Variants in MRPL52 observed in about 807,000 individuals in gnomAD.
MRPL52 encodes mitochondrial ribosomal protein L52, also known as large ribosomal subunit protein mL52.
A neutral mutation model predicts 22.1 loss-of-function variants in MRPL52; 19 were observed. That is an observed-to-expected ratio of 0.86 (90% confidence interval 0.60 to 1.26). MRPL52 has a LOEUF of 1.26. Ranked by LOEUF, MRPL52 falls within the 50% of genes most tolerant of loss-of-function variation. MRPL52 has a pLI of 0.00. For missense variants in MRPL52, 152 were observed against 148.1 expected, an observed-to-expected ratio of 1.03 and a Z score of -0.14; for synonymous variants, 50 against 57.5, an observed-to-expected ratio of 0.87 and a Z score of 0.59.
intron 3 of MRPL52, chr14:22,830,792 C>A: frequency 1.9e-6 from 1 of 537,260 alleles, no homozygotes; most frequent in Non-Finnish European, 3.3e-6. Context: ...TGAAGCTACT[C>A]CCCATTCTCC....
At chr14:22,832,582 C>T (rs867387919) in intron 3 of MRPL52, among the ~76,000 whole-genome samples, 10 of 151,998 alleles carry the variant, frequency 6.6e-5, no homozygotes, top group African/African-American at 1.7e-4. Flanking sequence ...CCTCGTGATC[C>T]GCCTGCCTCA....
In MRPL52 at chr14:22,834,272, C is replaced by T; in HGVS notation, c.320C>T (p.Ala107Val). ...GAAGAACAAAGGAAGCAGGAAAATG[C>T]TCTTAAACCCAAAGGGGCTTCACTG... is the stretch of plus-strand genomic sequence containing the variant. ...LQEEQRKQEN[A>V]LKPKGASLKS... Residue 107 changes from alanine to valine, a missense_variant, in exon 5 of 5, where the codon GCT becomes GTT. Transcript: ENST00000397496. 5 of 1,614,110 alleles carry T rather than the reference C, an allele frequency of 3.1e-6. No homozygotes were observed. Among genetic ancestry groups the T allele is most frequent in the Non-Finnish European group, 4.2e-6 (5 of 1,180,018 alleles).
chr14:22,833,071 G>A (rs543439299), intron 3 of MRPL52, among the ~76,000 whole-genome samples: 5 of 152,124 alleles, frequency 3.3e-5, no homozygotes, highest in Non-Finnish European at 5.9e-5. Flanking sequence ...CCAGCTACTC[G>A]GGAGTCTGAG....
Position 22,834,444 on chromosome 14 carries a change from G to A in MRPL52, c.*123G>A. ...TCTGTCTTCAGAGAAAAAGAGCTGGGACACCAAGAACAAGCTGTTAGATCA... is the reference window on the plus strand; with the variant it reads ...TCTGTCTTCAGAGAAAAAGAGCTGGAACACCAAGAACAAGCTGTTAGATCA... On this transcript the variant is annotated 3_prime_UTR_variant, in exon 5 of 5. Coordinates refer to ENST00000397496, the MANE Select transcript of MRPL52 (RefSeq NM_180982.3). 1.8e-6 allele frequency: 2 copies of A among 1,120,432 alleles called. No homozygotes were observed. The highest frequency in any genetic ancestry group is 3.1e-4 in the Middle Eastern group (1 of 3,262). The allele number at this position is 1,120,432 out of a possible 1,614,324, so 69.4% of individuals were successfully genotyped here. A position where few individuals can be genotyped will look rare whatever the true frequency, so the allele number is the denominator to read the frequency against.
rs958980156 is a variant in MRPL52 at position 22,830,910 on chromosome 14, C to G, written c.154+656C>G. 2.0e-5 allele frequency: 25 copies of G among 1,269,248 alleles called. No individual in the cohort carries two copies. The African/African-American group carries it at 3.6e-4, about 18-fold the overall frequency. The allele number at this position is 1,269,248 out of a possible 1,614,324, so 78.6% of individuals were successfully genotyped here. ...ATCCAGGACTAGAACATAGGCCAGTCCTCCTTGACAACACAGAGATCTGAA... is the reference window on the plus strand; with the variant it reads ...ATCCAGGACTAGAACATAGGCCAGTGCTCCTTGACAACACAGAGATCTGAA... On this transcript the variant is annotated intron_variant, in intron 3 of 4. Transcript: ENST00000397496.
At chr14:22,830,372 T>A in intron 3 of MRPL52, 118 bp downstream of exon 3, 1 of 1,053,868 alleles carries the variant, frequency 9.5e-7, no homozygotes, top group Admixed American at 2.2e-5. Context: ...AACTTTTTAT[T>A]TGGAAAACGG....
At chr14:22,831,170 T>A in intron 3 of MRPL52, 1 of 535,142 alleles carries the variant, frequency 1.9e-6, no homozygotes, top group Non-Finnish European at 3.2e-6. Context: ...TGAAGTGCAG[T>A]GGCATGATCA....
rs2039694036 is a variant in MRPL52, at chr14:22,834,392, G to A, written c.*71G>A. 2.0e-6 allele frequency: 3 copies of A among 1,490,984 alleles called. No individual in the cohort carries two copies. Among genetic ancestry groups the A allele is most frequent in the South Asian group, 2.7e-5 (2 of 74,274 alleles). 92.4% of individuals were successfully genotyped at this position (1,490,984 alleles called of 1,614,324 possible). On this transcript the variant is annotated 3_prime_UTR_variant, in exon 5 of 5. Transcript: ENST00000397496. ...TTCTATCACCTAGATGCTTCATCCAGCCAGAAGATAGCCTTCACGTTCCCC... is the reference window on the plus strand; with the variant it reads ...TTCTATCACCTAGATGCTTCATCCAACCAGAAGATAGCCTTCACGTTCCCC...
At position 22,829,910 on chromosome 14, in the gene MRPL52, A is replaced by T. The variant is rs1041619947; in HGVS notation, c.-3A>T. ...CCGGCTACCCCGGCTACTCCTGCTC[A>T]GCATGGCTGCTTTAGGGACTGTTCT... On this transcript the variant is annotated 5_prime_UTR_variant, in exon 1 of 5. Coordinates refer to ENST00000397496, the MANE Select transcript of MRPL52 (RefSeq NM_180982.3). The T allele has an allele frequency of 6.3e-7, 1 of 1,589,000 alleles. No homozygotes were observed. The highest frequency in any genetic ancestry group is 8.6e-7 in the Non-Finnish European group (1 of 1,167,600).
At chr14:22,833,563 A>G in intron 4 of MRPL52, 81 bp downstream of exon 4, 1 of 995,910 alleles carries the variant, frequency 1.0e-6, no homozygotes, top group Non-Finnish European at 1.6e-6. Flanking sequence ...TGTTGCACCT[A>G]AGCAAACATG....
Position 22,834,388 on chromosome 14 carries a change from T to G in MRPL52, c.*67T>G, listed in dbSNP as rs2039693934. On this transcript the variant is annotated 3_prime_UTR_variant, in exon 5 of 5. Transcript: ENST00000397496. ...TCTTTTCTATCACCTAGATGCTTCATCCAGCCAGAAGATAGCCTTCACGTT... is the reference window on the plus strand; with the variant it reads ...TCTTTTCTATCACCTAGATGCTTCAGCCAGCCAGAAGATAGCCTTCACGTT... 50 of 1,510,876 alleles carry G rather than the reference T, an allele frequency of 3.3e-5. No homozygotes were observed. The highest frequency in any genetic ancestry group is 4.3e-5 in the Non-Finnish European group (49 of 1,126,814). The allele number at this position is 1,510,876 out of a possible 1,614,324, so 93.6% of individuals were successfully genotyped here. A position where few individuals can be genotyped will look rare whatever the true frequency, so the allele number is the denominator to read the frequency against.
rs768350995 is a variant in MRPL52 at position 22,834,279 on chromosome 14, A to T, written c.327A>T (p.Lys109Asn). 3 of 1,613,938 alleles carry T rather than the reference A, an allele frequency of 1.9e-6. No individual in the cohort carries two copies. Among genetic ancestry groups the T allele is most frequent in the Non-Finnish European group, 2.5e-6 (3 of 1,179,976 alleles). ...EEQRKQENAL[K>N]PKGASLKSPL... Reference sequence around the variant, plus strand: ...AAAGGAAGCAGGAAAATGCTCTTAAACCCAAAGGGGCTTCACTGAAGAGCC... The same window carrying T: ...AAAGGAAGCAGGAAAATGCTCTTAATCCCAAAGGGGCTTCACTGAAGAGCC... Residue 109 changes from lysine (K) to asparagine (N), a missense_variant, in exon 5 of 5, where the codon AAA (lysine) becomes AAT (asparagine). By Grantham distance (94) the Lys-to-Asn change is moderately conservative. Coordinates refer to ENST00000397496, the MANE Select transcript of MRPL52 (RefSeq NM_180982.3).
intron 4 of MRPL52, 102 bp downstream of exon 4, chr14:22,833,584 A>G (rs961346211): frequency 2.5e-6 from 2 of 798,144 alleles, no homozygotes; most frequent in Admixed American, 2.7e-5. Flanking sequence ...TACCCCTCAT[A>G]CAGAGGTTTT....
intron 3 of MRPL52, chr14:22,830,896 G>T: frequency 1.0e-5 from 12 of 1,150,544 alleles, no homozygotes; most frequent in African/African-American, 1.5e-5. Flanking sequence ...TCCAGGACTA[G>T]AACATAGGCC....
Position 22,834,295 on chromosome 14 carries a change from C to T in MRPL52, c.343C>T (p.Leu115=), listed in dbSNP as rs1566477425. ...ENALKPKGAS[L]KSPLPSQ ...TGCTCTTAAACCCAAAGGGGCTTCA[C>T]TGAAGAGCCCACTTCCAAGTCAATA... Residue 115 remains leucine (L), a synonymous_variant, in exon 5 of 5, where the codon CTG becomes TTG. Coordinates refer to ENST00000397496, the MANE Select transcript of MRPL52 (RefSeq NM_180982.3). The T allele has an allele frequency of 7.4e-6, 12 of 1,613,702 alleles. No individual in the cohort carries two copies. The highest frequency in any genetic ancestry group is 1.0e-5 in the Non-Finnish European group (12 of 1,179,876).
At chr14:22,834,145 T>C in intron 4 of MRPL52, 27 bp from the exon 5 acceptor site, 1 of 1,612,072 alleles carries the variant, frequency 6.2e-7, no homozygotes, top group Non-Finnish European at 8.5e-7. Context: ...CCAGATGTTA[T>C]CCACACTGTT....
Position 22,833,438 on chromosome 14 carries a change from A to G in MRPL52, c.175A>G (p.Met59Val), listed in dbSNP as rs201749208. The change falls in exon 4 of 5, where the codon ATG (methionine) becomes GTG (valine). Residue 59 changes from methionine to valine, a missense_variant. Met to Val is a conservative substitution (Grantham distance 21). Transcript: ENST00000397496. ...SYADGRPAPP[M>V]KGQLRRKAER... is the part of the protein sequence containing the mutation. ...TGTAGATGGCCGCCCTGCTCCCCCA[A>G]TGAAAGGCCAGCTTCGAAGAAAAGC... is the stretch of plus-strand genomic sequence containing the variant. The G allele has an allele frequency of 4.1e-5, 66 of 1,613,544 alleles. No homozygotes were observed. The highest frequency in any genetic ancestry group is 9.9e-5 in the South Asian group (9 of 91,066).
At chr14:22,830,306 G>A in intron 3 of MRPL52, 52 bp downstream of exon 3, 1 of 1,594,314 alleles carries the variant, frequency 6.3e-7, no homozygotes, top group East Asian at 2.2e-5. Flanking sequence ...CACCTAGAGG[G>A]AACGCCCCTG....
intron 3 of MRPL52, chr14:22,830,889 A>G: frequency 9.4e-7 from 1 of 1,069,096 alleles, no homozygotes; most frequent in East Asian, 2.6e-5. Flanking sequence ...TAGCAAATCC[A>G]GGACTAGAAC....
Sources: allele counts gnomAD v4.1 joint callset (sites outside exome capture counted in the v4.1 genomes callset), GRCh38; gene constraint gnomAD v4.1.1; transcripts MANE v1.5; gene names NCBI Gene and HGNC (gene_info 2026-07-23, HGNC 2026-07-21).